MTR: variants seen among roughly 807,000 people sequenced by gnomAD.
MTR encodes the protein methionine synthase.
Under a neutral mutation model 154.8 loss-of-function variants are expected in MTR, and 84 were observed. The ratio of observed to expected loss-of-function variants is 0.54; its 90% CI spans 0.45 to 0.65. MTR has a LOEUF of 0.65. Among genes scored for constraint, MTR ranks in the 30% least tolerant of loss-of-function variants. The pLI, the probability that MTR is intolerant of heterozygous loss-of-function variation, is 0.00. For missense variants in MTR, 1,275 were observed against 1,570.2 expected (o/e 0.81, Z 3.18); for synonymous variants, 554 against 553.9 (o/e 1.00, Z 0.00).
rs1437259901 is a variant in MTR at position 236,885,122 on chromosome 1, G to A, written c.2678G>A (p.Cys893Tyr). The part of the protein sequence containing the change: ...VLDASKSVVV[C>Y]SQLLDENLKD... ...TCTATGGCTATCTTGCATTTTCAGT[G>A]TTCCCAGCTGTTAGATGAAAATCTA... The change falls in exon 26 of 33, where the codon TGT becomes TAT. Residue 893 changes from cysteine (C) to tyrosine (Y), a missense_variant and splice_region_variant. Coordinates refer to ENST00000366577, the MANE Select transcript of MTR (RefSeq NM_000254.3). The A allele has an allele frequency of 1.3e-6, 2 of 1,597,932 alleles. No homozygotes were observed. The highest frequency in any genetic ancestry group is 8.6e-7 in the Non-Finnish European group (1 of 1,165,450).
intron 7 of MTR, 59 bp from the exon 8 acceptor site, chr1:236,816,390 T>A (rs1291694885): frequency 4.2e-6 from 6 of 1,437,520 alleles, no homozygotes; most frequent in Non-Finnish European, 5.9e-6. Context: ...ATTTTGCCTT[T>A]ATATCTATAT....
intron 20 of MTR, 33 bp from the exon 21 acceptor site, chr1:236,862,203 G>A: frequency 6.3e-7 from 1 of 1,576,638 alleles, no homozygotes; most frequent in South Asian, 1.1e-5. Flanking sequence ...CTGTGGTTTG[G>A]GAAAGATACC....
intron 22 of MTR, among the ~76,000 whole-genome samples, chr1:236,869,060 G>A (rs1664976392): frequency 1.3e-5 from 2 of 152,210 alleles, no homozygotes; most frequent in Non-Finnish European, 2.9e-5. Flanking sequence ...CCATCTTGTG[G>A]TGGCATGTGT....
chr1:236,797,040 A>C (rs1660433258), intron 1 of MTR, among the ~76,000 whole-genome samples: 1 of 151,948 alleles, frequency 6.6e-6, no homozygotes, highest in Non-Finnish European at 1.5e-5. Context: ...ATAAACTGAA[A>C]GGAAAATTGT....
intron 8 of MTR, among the ~76,000 whole-genome samples, chr1:236,823,438 G>A (rs1022490866): frequency 6.6e-6 from 1 of 152,134 alleles, no homozygotes; most frequent in Admixed American, 6.5e-5. Context: ...TAACTAAACT[G>A]CAGACTTTAT....
intron 8 of MTR, among the ~76,000 whole-genome samples, chr1:236,822,312 G>GTTTTTTTTTT (rs199660325): frequency 2.4e-5 from 3 of 124,938 alleles, no homozygotes; most frequent in Admixed American, 8.9e-5. Flanking sequence ...GGTTTTTTTT[G>GTTTTTTTTTT]TTTTTTTTTT....
chr1:236,897,310 G>GCGCGCGCGCACGCGCACGCA, intron 32 of MTR, among the ~76,000 whole-genome samples, 192 bp downstream of exon 32: 1 of 128,614 alleles, frequency 7.8e-6, no homozygotes, highest in African/African-American at 2.8e-5. Context: ...CCACACACAC[G>GCGCGCGCGCACGCGCACGCA]CACACACACA....
At chr1:236,842,601 A>G (rs978324483) in intron 15 of MTR, among the ~76,000 whole-genome samples, 7 of 151,956 alleles carry the variant, frequency 4.6e-5, no homozygotes, top group Non-Finnish European at 1.0e-4. Context: ...AAAAATATAT[A>G]TAGCAACTGT....
At chr1:236,856,979 C>T (rs1664247541) in intron 18 of MTR, among the ~76,000 whole-genome samples, 1 of 152,112 alleles carries the variant, frequency 6.6e-6, no homozygotes, top group Non-Finnish European at 1.5e-5. Context: ...GTGAACAGTG[C>T]CGCAATAAAC....
At chr1:236,838,336 G>A in intron 14 of MTR, 78 bp from the exon 15 acceptor site, 1 of 1,389,948 alleles carries the variant, frequency 7.2e-7, no homozygotes, top group Non-Finnish European at 1.0e-6. Context: ...AAGAAATAGG[G>A]AATACTTTGG....
chr1:236,814,878 T>C (rs1357744879), intron 6 of MTR, among the ~76,000 whole-genome samples: 1 of 152,222 alleles, frequency 6.6e-6, no homozygotes, highest in African/African-American at 2.4e-5. Flanking sequence ...TTAGTAACTT[T>C]CCATGAAAAA....
intron 25 of MTR, among the ~76,000 whole-genome samples, chr1:236,881,999 C>G (rs767186158): frequency 6.6e-6 from 1 of 152,152 alleles, no homozygotes; most frequent in African/African-American, 2.4e-5. Flanking sequence ...TTAAATTAAA[C>G]TTGTTTCCCA....
Position 236,841,930 on chromosome 1 carries a change from G to A in MTR, c.1515+3331G>A, listed in dbSNP as rs1170729957. ...TTTTTTGAGACGGAGTCTCGCTGTC[G>A]CCCAGGCTGGAGTGCGGTGGCGCGA... On this transcript the variant is annotated intron_variant, in intron 15 of 32. Transcript: ENST00000366577. Among the ~76,000 whole-genome samples the A allele has an allele frequency of 8.2e-5, 12 of 145,802 alleles. No individual in the cohort carries two copies. The East Asian group carries it at 2.2e-3, about 27-fold the overall frequency.
intron 15 of MTR, among the ~76,000 whole-genome samples, chr1:236,849,826 A>G (rs1663796450): frequency 6.6e-6 from 1 of 152,242 alleles, no homozygotes. Context: ...GTGAGGAATA[A>G]ATGCATATCC....
At chr1:236,863,993 G>C (rs1176092545) in intron 22 of MTR, among the ~76,000 whole-genome samples, 1 of 151,996 alleles carries the variant, frequency 6.6e-6, no homozygotes, top group Non-Finnish European at 1.5e-5. Context: ...CTCTGTACAA[G>C]TCTCAGTTGG....
rs557050527 is a variant in MTR at position 236,801,022 on chromosome 1, G to T, written c.35-2406G>T. Among the ~76,000 whole-genome samples the T allele has an allele frequency of 1.1e-4, 17 of 152,258 alleles. No individual in the cohort carries two copies. In the South Asian group the frequency reaches 3.3e-3, roughly 30 times the overall value. Reference sequence around the variant, plus strand: ...CCTATCAAATTCTGAGTGCTTATTGGCTGATAGGATAGTCACATCATGGAG... The same window carrying T: ...CCTATCAAATTCTGAGTGCTTATTGTCTGATAGGATAGTCACATCATGGAG... On this transcript the variant is annotated intron_variant, in intron 1 of 32. Coordinates refer to ENST00000366577, the MANE Select transcript of MTR (RefSeq NM_000254.3).
At position 236,803,561 on chromosome 1, in the gene MTR, T is replaced by C; in HGVS notation, c.168T>C (p.Phe56=). ...LNEEHFRGQE[F]KDHARPLKGN... is the part of the protein sequence containing the mutation. ...AAGAACACTTCCGAGGTCAGGAATT[T>C]AAAGATCATGCCAGGCCGCTGAAAG... Residue 56 remains phenylalanine (F), a synonymous_variant, in exon 2 of 33, where the codon TTT becomes TTC. Transcript: ENST00000366577. 4 of 1,614,188 alleles carry C rather than the reference T, an allele frequency of 2.5e-6. No individual in the cohort carries two copies. Among genetic ancestry groups the C allele is most frequent in the Non-Finnish European group, 3.4e-6 (4 of 1,180,032 alleles).
At chr1:236,887,905 G>A (rs1212253448) in intron 27 of MTR, among the ~76,000 whole-genome samples, 1 of 152,220 alleles carries the variant, frequency 6.6e-6, no homozygotes, top group Non-Finnish European at 1.5e-5. Flanking sequence ...CTTCCCAGGC[G>A]GGAGGACGCT....
At chr1:236,799,721 C>CT (rs1660601028) in intron 1 of MTR, among the ~76,000 whole-genome samples, 1 of 151,078 alleles carries the variant, frequency 6.6e-6, no homozygotes. Context: ...AACCCATCGT[C>CT]TATTATTTTT....
Sources: allele counts gnomAD v4.1 joint callset (sites outside exome capture counted in the v4.1 genomes callset), GRCh38; gene constraint gnomAD v4.1.1; transcripts MANE v1.5; gene names NCBI Gene and HGNC (gene_info 2026-07-23, HGNC 2026-07-21).